PDCD6: variants seen among roughly 807,000 people sequenced by gnomAD.
The protein encoded by PDCD6 is programmed cell death 6, also known as programmed cell death protein 6.
PDCD6 carries 12 observed loss-of-function variants against 28.3 expected under a neutral mutation model. The ratio of observed to expected loss-of-function variants is 0.42; its 90% CI spans 0.27 to 0.69. The LOEUF (loss-of-function observed/expected upper bound fraction) is 0.69. Among genes scored for constraint, PDCD6 ranks in the 30% least tolerant of loss-of-function variants. The pLI, the probability that PDCD6 is intolerant of heterozygous loss-of-function variation, is 0.22. For missense variants in PDCD6, 226 were observed against 269.9 expected, an observed-to-expected ratio of 0.84 and a Z score of 1.14; for synonymous variants, 92 against 108.0, an observed-to-expected ratio of 0.85 and a Z score of 0.92.
At chr5:296,022 T>C (rs1408126084) in intron 2 of PDCD6, among the ~76,000 whole-genome samples, 4 of 152,130 alleles carry the variant, frequency 2.6e-5, no homozygotes, top group East Asian at 1.9e-4. Flanking sequence ...TTTGGCGTCT[T>C]ACTGTCCAGA....
At chr5:302,612 G>A (rs1375784189) in intron 2 of PDCD6, among the ~76,000 whole-genome samples, 3 of 144,704 alleles carry the variant, frequency 2.1e-5, no homozygotes, top group Non-Finnish European at 3.0e-5. Context: ...CTGTGTGTAT[G>A]CCATGGGTTC....
chr5:278,744 A>G (rs1382506073), intron 2 of PDCD6, among the ~76,000 whole-genome samples: 3 of 150,818 alleles, frequency 2.0e-5, no homozygotes, highest in Non-Finnish European at 3.0e-5. Flanking sequence ...AGAAAATGAA[A>G]AAAAGAAAGA....
intron 2 of PDCD6, among the ~76,000 whole-genome samples, chr5:299,802 G>A (rs1031092286): frequency 6.6e-6 from 1 of 152,102 alleles, no homozygotes; most frequent in African/African-American, 2.4e-5. Flanking sequence ...GCCCGCCTTG[G>A]CCTCCCAAAG....
chr5:290,411 C>T, intron 2 of PDCD6: 1 of 720,956 alleles, frequency 1.4e-6, no homozygotes, highest in South Asian at 1.7e-5. Flanking sequence ...CGTCCTCCCA[C>T]TCCCTCGCAC....
At chr5:309,908 C>T (rs867473976) in intron 4 of PDCD6, 2 of 55,388 alleles carry the variant, frequency 3.6e-5, no homozygotes, top group African/African-American at 1.8e-4. Context: ...CCGCCGTCCC[C>T]GTGCACCCCA....
At chr5:298,999 A>C (rs565727594) in intron 2 of PDCD6, among the ~76,000 whole-genome samples, 1 of 2,260 alleles carries the variant, frequency 4.4e-4, no homozygotes. Context: ...GCTGCTCCCC[A>C]CTAGCTGCTC....
chr5:295,939 TAGGG>T (rs1739585267), intron 2 of PDCD6, among the ~76,000 whole-genome samples: 1 of 151,544 alleles, frequency 6.6e-6, no homozygotes, highest in Non-Finnish European at 1.5e-5. Flanking sequence ...AAACAGGAAT[TAGGG>T]AGAGTGAGGA....
intron 4 of PDCD6, 44 bp downstream of exon 4, chr5:306,804 A>C: frequency 6.3e-7 from 1 of 1,581,008 alleles, no homozygotes; most frequent in Non-Finnish European, 8.7e-7. Flanking sequence ...TCATTTTGGA[A>C]CCTTGGAGCC....
At chr5:272,402 T>C (rs1579466894) in intron 1 of PDCD6, among the ~76,000 whole-genome samples, 1 of 149,398 alleles carries the variant, frequency 6.7e-6, no homozygotes, top group South Asian at 2.1e-4. Context: ...AGGGAATGGC[T>C]TAGTTATCTG....
At chr5:274,739 C>A (rs1165288901) in intron 2 of PDCD6, among the ~76,000 whole-genome samples, 1 of 152,284 alleles carries the variant, frequency 6.6e-6, no homozygotes, top group Admixed American at 6.5e-5. Context: ...GGGGAGACAC[C>A]TCCTGCTCTG....
At chr5:285,284 G>A (rs1036626000) in intron 2 of PDCD6, among the ~76,000 whole-genome samples, 2 of 151,906 alleles carry the variant, frequency 1.3e-5, no homozygotes, top group African/African-American at 2.4e-5. Flanking sequence ...GGAGACCCGG[G>A]GGGGAACTGA....
intron 2 of PDCD6, among the ~76,000 whole-genome samples, chr5:275,403 C>T (rs1738124936): frequency 6.6e-6 from 1 of 152,182 alleles, no homozygotes. Flanking sequence ...CCCATTTCTC[C>T]TGGAGCTGCG....
Position 271,782 on chromosome 5 carries a change from C to A in PDCD6, c.62C>A (p.Ala21Glu), listed in dbSNP as rs1388148155. Reference sequence around the variant, plus strand: ...GGCCCTGGGCCTGCTGCAGGCGCGGCGCTGCCGGACCAGAGCTTCCTGTGG... The same window carrying A: ...GGCCCTGGGCCTGCTGCAGGCGCGGAGCTGCCGGACCAGAGCTTCCTGTGG... ...GAGPGPAAGAALPDQSFLWNV... is the reference protein window; with the variant it reads ...GAGPGPAAGAELPDQSFLWNV... The change falls in exon 1 of 6, where the codon GCG (alanine) becomes GAG (glutamate). Residue 21 changes from alanine (A) to glutamate (E), a missense_variant. Ala to Glu is a moderately radical substitution (Grantham distance 107). Around this residue, in one of 3 missense-constraint regions of PDCD6, gnomAD observed 72 missense variants for 71.4 expected, o/e 1.01. Coordinates refer to ENST00000264933, the MANE Select transcript of PDCD6 (RefSeq NM_013232.4). 1.3e-6 allele frequency: 2 copies of A among 1,482,068 alleles called. No homozygotes were observed. The highest frequency in any genetic ancestry group is 1.5e-5 in the African/African-American group (1 of 67,952). 91.8% of individuals were successfully genotyped at this position (1,482,068 alleles called of 1,614,324 possible). A position where few individuals can be genotyped will look rare whatever the true frequency, so the allele number is the denominator to read the frequency against.
At position 289,763 on chromosome 5, in the gene PDCD6, T is replaced by C. The variant is rs992667133; in HGVS notation, c.164-14414T>C. ...CTGTCAGGCGACCCATTTGTTGTCA[T>C]GGGGGCTGACAAAGAAACCTTTGGT... On this transcript the variant is annotated intron_variant, in intron 2 of 5. Coordinates refer to ENST00000264933, the MANE Select transcript of PDCD6 (RefSeq NM_013232.4). The C allele has an allele frequency of 1.8e-5, 17 of 948,084 alleles. No homozygotes were observed. The African/African-American group carries it at 2.6e-4, about 14-fold the overall frequency. The allele number at this position is 948,084 out of a possible 1,614,324, so 58.7% of individuals were successfully genotyped here.
chr5:298,554 C>A (rs916205566), intron 2 of PDCD6, among the ~76,000 whole-genome samples: 4 of 151,558 alleles, frequency 2.6e-5, no homozygotes, highest in Admixed American at 2.6e-4. Context: ...GATTAGGGTT[C>A]CTCCCGGCCT....
At chr5:286,391 C>T (rs68150913) in intron 2 of PDCD6, among the ~76,000 whole-genome samples, 57,162 of 151,234 alleles carry the variant, frequency 0.38, 12,441 homozygotes, top group South Asian at 0.51. Context: ...CTGATGTTCC[C>T]GTTTGAGGGC....
chr5:276,799 C>T (rs1313897074), intron 2 of PDCD6: 4 of 985,150 alleles, frequency 4.1e-6, no homozygotes, highest in Non-Finnish European at 4.8e-6. Context: ...GTATTTGTGG[C>T]CCATACACTG....
intron 2 of PDCD6, among the ~76,000 whole-genome samples, chr5:299,626 T>C (rs1025693282): frequency 2.0e-5 from 3 of 151,958 alleles, no homozygotes; most frequent in Non-Finnish European, 4.4e-5. Context: ...CTCAGCTCAC[T>C]GCAAGCTCCA....
chr5:297,513 A>G (rs910503512), intron 2 of PDCD6, among the ~76,000 whole-genome samples: 5 of 152,236 alleles, frequency 3.3e-5, no homozygotes, highest in African/African-American at 1.2e-4. Flanking sequence ...TTGCTACACA[A>G]AGAGCTGCAC....
Sources: allele counts gnomAD v4.1 joint callset (sites outside exome capture counted in the v4.1 genomes callset), GRCh38; gene constraint gnomAD v4.1.1; regional missense constraint gnomAD v4.1.1; transcripts MANE v1.5; gene names NCBI Gene and HGNC (gene_info 2026-07-23, HGNC 2026-07-21).